The following CFAP299 variants were observed in gnomAD, a reference collection of about 807,000 sequenced individuals.
CFAP299 encodes cilia- and flagella-associated protein 299.
A neutral mutation model predicts 27.0 loss-of-function variants in CFAP299; 21 were observed. The observed-to-expected ratio is 0.78, with a 90% CI of 0.55 to 1.12. The LOEUF (loss-of-function observed/expected upper bound fraction) is 1.12, where lower values mean the gene tolerates loss of function less well. Ranked by LOEUF, CFAP299 falls within the 50% of genes most tolerant of loss-of-function variation. The pLI, the probability that CFAP299 is intolerant of heterozygous loss-of-function variation, is 0.00. For synonymous variants in CFAP299, 104 were observed against 98.1 expected, an observed-to-expected ratio of 1.06 and a Z score of -0.36; for missense variants, 310 against 276.6, an observed-to-expected ratio of 1.12 and a Z score of -0.86.
At chr4:80,687,325 T>A (rs1560698175) in intron 3 of CFAP299, among the ~76,000 whole-genome samples, 2 of 152,234 alleles carry the variant, frequency 1.3e-5, no homozygotes, top group Non-Finnish European at 2.9e-5. Flanking sequence ...AGTTTTTTTT[T>A]ATAGTATCTC....
chr4:80,456,112 A>G (rs933725346), intron 2 of CFAP299, among the ~76,000 whole-genome samples: 2 of 152,164 alleles, frequency 1.3e-5, no homozygotes, highest in Non-Finnish European at 2.9e-5. Flanking sequence ...AGCTTAATGA[A>G]CTAAGGTAGC....
At chr4:80,546,924 GAATC>G (rs1278340279) in intron 2 of CFAP299, among the ~76,000 whole-genome samples, 1 of 152,088 alleles carries the variant, frequency 6.6e-6, no homozygotes, top group Non-Finnish European at 1.5e-5. Flanking sequence ...TAGATAGGAA[GAATC>G]AATATTGTTA....
intron 3 of CFAP299, among the ~76,000 whole-genome samples, chr4:80,834,807 A>G (rs538986760): frequency 1.3e-5 from 2 of 152,134 alleles, no homozygotes; most frequent in East Asian, 1.9e-4. Flanking sequence ...TGTCATCGGT[A>G]CTTGGATGAA....
chr4:80,783,283 A>C (rs72879930), intron 3 of CFAP299, among the ~76,000 whole-genome samples: 1 of 152,078 alleles, frequency 6.6e-6, no homozygotes, highest in African/African-American at 2.4e-5. Context: ...ATATTCTGTT[A>C]GTTACTCAAG....
intron 3 of CFAP299, among the ~76,000 whole-genome samples, chr4:80,831,155 G>A (rs545922286): frequency 2.6e-5 from 4 of 152,226 alleles, no homozygotes; most frequent in African/African-American, 9.6e-5. Context: ...GAGAGGATGT[G>A]TTGGGAAACA....
At chr4:80,694,229 G>T (rs906068919) in intron 3 of CFAP299, among the ~76,000 whole-genome samples, 1 of 152,100 alleles carries the variant, frequency 6.6e-6, no homozygotes, top group South Asian at 2.1e-4. Flanking sequence ...ATAGTACCCT[G>T]CATTTCACCC....
chr4:80,823,646 C>T (rs1249033189), intron 3 of CFAP299, among the ~76,000 whole-genome samples: 4 of 152,142 alleles, frequency 2.6e-5, no homozygotes, highest in Non-Finnish European at 4.4e-5. Flanking sequence ...ATTAATTCAA[C>T]AAATGCTAAT....
At chr4:80,712,475 A>T (rs1056367038) in intron 3 of CFAP299, among the ~76,000 whole-genome samples, 4 of 152,204 alleles carry the variant, frequency 2.6e-5, no homozygotes, top group South Asian at 2.1e-4. Flanking sequence ...TTAATTTCTT[A>T]GCTACTAGCT....
intron 2 of CFAP299, among the ~76,000 whole-genome samples, chr4:80,382,237 A>G (rs914100351): frequency 4.6e-5 from 7 of 152,232 alleles, no homozygotes; most frequent in Admixed American, 1.3e-4. Flanking sequence ...ACCATTCTGG[A>G]CATAAAATGG....
chr4:80,860,852 G>T (rs978992048), intron 3 of CFAP299, among the ~76,000 whole-genome samples: 7 of 152,280 alleles, frequency 4.6e-5, no homozygotes, highest in East Asian at 3.9e-4. Flanking sequence ...CTGCTCAGGG[G>T]TCAGGGGTCA....
chr4:80,886,140 A>G (rs1048790144), intron 4 of CFAP299, among the ~76,000 whole-genome samples: 1 of 152,222 alleles, frequency 6.6e-6, no homozygotes, highest in African/African-American at 2.4e-5. Flanking sequence ...GGGAAGGAAG[A>G]GCAGGAATCA....
intron 4 of CFAP299, among the ~76,000 whole-genome samples, chr4:80,883,451 A>G (rs1159133362): frequency 2.0e-5 from 3 of 152,164 alleles, no homozygotes; most frequent in Non-Finnish European, 4.4e-5. Context: ...TAATTACTAT[A>G]TATGTAAATA....
chr4:80,419,559 A>G (rs181343066), intron 2 of CFAP299, among the ~76,000 whole-genome samples: 15 of 152,256 alleles, frequency 9.9e-5, no homozygotes, highest in African/African-American at 3.6e-4. Flanking sequence ...TTTTCTACCT[A>G]TTGGAAGCCT....
chr4:80,841,534 C>T (rs529851847), intron 3 of CFAP299, among the ~76,000 whole-genome samples: 7 of 152,000 alleles, frequency 4.6e-5, no homozygotes, highest in Non-Finnish European at 8.8e-5. Flanking sequence ...TTTTAGAAAC[C>T]AAATAAATAA....
intron 3 of CFAP299, among the ~76,000 whole-genome samples, chr4:80,779,458 T>C (rs1578115993): frequency 6.6e-6 from 1 of 152,122 alleles, no homozygotes; most frequent in East Asian, 1.9e-4. Context: ...GCAAGTCACC[T>C]GTCTAGCACA....
intron 2 of CFAP299, among the ~76,000 whole-genome samples, chr4:80,489,467 C>CAA (rs34554409): frequency 0.38 from 58,399 of 151,858 alleles, 14,563 homozygotes; most frequent in African/African-American, 0.71. Context: ...TCACAGAAGA[C>CAA]GAGATAATAT....
rs149830832 is a variant in CFAP299 at position 80,753,757 on chromosome 4, A to C, written c.334-116236A>C. ...AAGTTCACTGATTCTTTTTTCTGCT[A>C]TGTCAAATCTAACGAGGAACCATTT... is the stretch of plus-strand genomic sequence containing the variant. On this transcript the variant is annotated intron_variant, in intron 3 of 5. Coordinates refer to ENST00000358105, the MANE Select transcript of CFAP299 (RefSeq NM_152770.3). 5.0e-3 allele frequency among the ~76,000 whole-genome samples: 766 copies of C among 152,084 alleles called. 4 individuals carry two copies. The highest frequency in any genetic ancestry group is 0.02 in the Middle Eastern group (6 of 294).
At chr4:80,791,122 A>G (rs890171474) in intron 3 of CFAP299, among the ~76,000 whole-genome samples, 3 of 152,094 alleles carry the variant, frequency 2.0e-5, no homozygotes, top group Non-Finnish European at 4.4e-5. Context: ...ACATGAACAC[A>G]GTATTAGGGT....
intron 1 of CFAP299, among the ~76,000 whole-genome samples, chr4:80,350,115 T>C (rs1722947689): frequency 6.6e-6 from 1 of 152,092 alleles, no homozygotes; most frequent in South Asian, 2.1e-4. Context: ...CAGTAACCTG[T>C]GGGGCAATGT....
Sources: gnomAD v4.1 joint callset for allele counts (sites outside exome capture counted in the v4.1 genomes callset) on GRCh38, gnomAD v4.1.1 for gene constraint, MANE v1.5 for transcripts, NCBI Gene and HGNC (gene_info 2026-07-23, HGNC 2026-07-21) for gene names.